Variants in PRDM4 observed in about 807,000 individuals in gnomAD.
PRDM4 encodes the protein PR domain zinc finger protein 4.
In PRDM4, 38 loss-of-function variants were observed where a neutral mutation model predicts 62.3. That is an observed-to-expected ratio of 0.61 (90% CI 0.47 to 0.80). The LOEUF is 0.80. Among genes scored for constraint, PRDM4 ranks in the 30% least tolerant of loss-of-function variants. The pLI, the probability that PRDM4 is intolerant of heterozygous loss-of-function variation, is 0.00. For synonymous variants in PRDM4, 339 were observed against 348.2 expected, an observed-to-expected ratio of 0.97 and a Z score of 0.30; for missense variants, 858 against 997.1, an observed-to-expected ratio of 0.86 and a Z score of 1.88.
chr12:107,760,640 G>T lies in PRDM4; in HGVS notation c.-125C>A. ...AACCGCTGCACCGACGCGGCCACTC[G>T]TCCCCGGGGTCGCCCGGGGCCGCCC... On this transcript the variant is annotated 5_prime_UTR_variant, in exon 2 of 12. Coordinates refer to ENST00000228437, the MANE Select transcript of PRDM4 (RefSeq NM_012406.4). The T allele has an allele frequency of 1.6e-6, 2 of 1,262,436 alleles. No individual in the cohort carries two copies. The highest frequency in any genetic ancestry group is 2.2e-6 in the Non-Finnish European group (2 of 919,700). 78.2% of individuals were successfully genotyped at this position (1,262,436 alleles called of 1,614,324 possible).
chr12:107,743,326 C>T (rs771426886), intron 7 of PRDM4, 44 bp from the exon 8 acceptor site: 69 of 1,338,174 alleles, frequency 5.2e-5, no homozygotes, highest in Non-Finnish European at 7.0e-5. Flanking sequence ...CACTGACATG[C>T]AATAAAGCAC....
In PRDM4 at chr12:107,745,036, G is replaced by A. The variant is rs557612748; in HGVS notation, c.1277-375C>T. On this transcript the variant is annotated intron_variant, in intron 6 of 11. Coordinates refer to ENST00000228437, the MANE Select transcript of PRDM4 (RefSeq NM_012406.4). Reference sequence around the variant, plus strand: ...GATAGGGCCAATGCACTCCAGCCTGGGTGACAAAGCGAGACTCTGTCTCAA... The same window carrying A: ...GATAGGGCCAATGCACTCCAGCCTGAGTGACAAAGCGAGACTCTGTCTCAA... Among the ~76,000 whole-genome samples, 12 of 152,114 alleles carry A rather than the reference G, an allele frequency of 7.9e-5. No homozygotes were observed. In the South Asian group the frequency reaches 1.7e-3, roughly 21 times the overall value.
chr12:107,738,838 TTAAGA>T (rs753134188), intron 11 of PRDM4, among the ~76,000 whole-genome samples: 15 of 144,310 alleles, frequency 1.0e-4, no homozygotes, highest in South Asian at 6.6e-4. Context: ...TTACAAACAG[TTAAGA>T]TAACAATTTT....
chr12:107,748,945 A>G (rs765909718), intron 5 of PRDM4, among the ~76,000 whole-genome samples: 20 of 152,304 alleles, frequency 1.3e-4, no homozygotes, highest in Admixed American at 3.3e-4. Flanking sequence ...TATATTCATT[A>G]CATTCTTCGA....
chr12:107,736,370 C>T (rs1334375583), intron 11 of PRDM4, among the ~76,000 whole-genome samples: 1 of 152,154 alleles, frequency 6.6e-6, no homozygotes, highest in African/African-American at 2.4e-5. Context: ...AACATTTGAG[C>T]AGAAACCTGA....
chr12:107,745,168 T>C (rs1476237510), intron 6 of PRDM4, among the ~76,000 whole-genome samples: 1 of 152,120 alleles, frequency 6.6e-6, no homozygotes, highest in Non-Finnish European at 1.5e-5. Context: ...ACAGATAACA[T>C]AGGGCTCACA....
chr12:107,742,489 G>A lies in PRDM4; in HGVS notation c.1482-141C>T, dbSNP rs1287763430. ...CTCTGGAATGTTTTTGTAATTTCCC[G>A]TCCTATCTATGAGAAGGCAGTTGTA... is the stretch of plus-strand genomic sequence containing the variant. On this transcript the variant is annotated intron_variant, in intron 8 of 11. Transcript: ENST00000228437. 9.4e-5 allele frequency: 92 copies of A among 977,876 alleles called. 3 individuals carry two copies. Among genetic ancestry groups the A allele is most frequent in the South Asian group, 7.6e-4 (50 of 65,600 alleles). 60.6% of individuals were successfully genotyped at this position (977,876 alleles called of 1,614,324 possible). A position where few individuals can be genotyped will look rare whatever the true frequency, so the allele number is the denominator to read the frequency against.
intron 6 of PRDM4, 56 bp downstream of exon 6, chr12:107,746,219 C>G: frequency 6.3e-7 from 1 of 1,587,662 alleles, no homozygotes. Context: ...TTTTACAACT[C>G]TACGCTACAA....
In PRDM4 at chr12:107,744,666, C is replaced by T. The variant is rs754683925; in HGVS notation, c.1277-5G>A. 5.6e-6 allele frequency: 9 copies of T among 1,613,082 alleles called. No homozygotes were observed. Among genetic ancestry groups the T allele is most frequent in the Non-Finnish European group, 6.8e-6 (8 of 1,179,284 alleles). Reference sequence around the variant, plus strand: ...TGGTTTCTCCAGTCCATACACCTGTCAGTGGAAGGACACCAACTACACAAT... The same window carrying T: ...TGGTTTCTCCAGTCCATACACCTGTTAGTGGAAGGACACCAACTACACAAT... On this transcript the variant is annotated splice_polypyrimidine_tract_variant and splice_region_variant and intron_variant, in intron 6 of 11. Coordinates refer to ENST00000228437, the MANE Select transcript of PRDM4 (RefSeq NM_012406.4).
chr12:107,733,361 T>C lies in PRDM4; in HGVS notation c.*849A>G, dbSNP rs761261113. On this transcript the variant is annotated 3_prime_UTR_variant, in exon 12 of 12. Transcript: ENST00000228437. ...TCCCTTCCTCAGGTGAGTCCACATG[T>C]ACTCATCAGGAGACAATCCAGCAGG... is the stretch of plus-strand genomic sequence containing the variant. The C allele has an allele frequency of 2.7e-5, 4 of 148,034 alleles. No individual in the cohort carries two copies. Among genetic ancestry groups the C allele is most frequent in the Non-Finnish European group, 6.1e-5 (4 of 65,686 alleles). 9.2% of individuals were successfully genotyped at this position (148,034 alleles called of 1,614,324 possible). A position where few individuals can be genotyped will look rare whatever the true frequency, so the allele number is the denominator to read the frequency against.
chr12:107,757,041 A>T, intron 2 of PRDM4, 76 bp from the exon 3 acceptor site: 1 of 1,485,660 alleles, frequency 6.7e-7, no homozygotes, highest in Non-Finnish European at 9.2e-7. Flanking sequence ...GAAGAAACTG[A>T]AACAGTGGGG....
chr12:107,744,549 G>A lies in PRDM4; in HGVS notation c.1389C>T (p.Ile463=). Reference sequence around the variant, plus strand: ...AAGTTTCATCAGGACTGACCTTCCAGATATGGTTAACTGCCTTGTCTGTCC... The same window carrying A: ...AAGTTTCATCAGGACTGACCTTCCAAATATGGTTAACTGCCTTGTCTGTCC... ...AEWTDKAVNH[I]WKIYHNGVLE... is the part of the protein sequence containing the mutation. Residue 463 remains isoleucine, a synonymous_variant, in exon 7 of 12, where the codon ATC becomes ATT. Transcript: ENST00000228437. The A allele has an allele frequency of 6.2e-7, 1 of 1,613,170 alleles. No individual in the cohort carries two copies. Among genetic ancestry groups the A allele is most frequent in the Non-Finnish European group, 8.5e-7 (1 of 1,179,274 alleles).
In PRDM4 at chr12:107,742,246, A is replaced by G; in HGVS notation, c.1584T>C (p.Tyr528=). Residue 528 remains tyrosine, a synonymous_variant, in exon 9 of 12, where the codon TAT becomes TAC. Transcript: ENST00000228437. ...IPPENELLFY[Y]SRDYAQQIGV... ...CAATCTGTTGAGCATAATCTCGGCT[A>G]TAATAAAAAAGCAGTTCATTTTCAG... 1 of 1,613,396 alleles carries G rather than the reference A, an allele frequency of 6.2e-7. No individual in the cohort carries two copies. Among genetic ancestry groups the G allele is most frequent in the Admixed American group, 1.7e-5 (1 of 60,012 alleles).
At chr12:107,758,775 T>C (rs1434294887) in intron 2 of PRDM4, among the ~76,000 whole-genome samples, 2 of 152,176 alleles carry the variant, frequency 1.3e-5, no homozygotes, top group African/African-American at 4.8e-5. Context: ...ATGGATCCCA[T>C]AAAACTAAGC....
chr12:107,756,692 T>C, intron 3 of PRDM4, 140 bp downstream of exon 3: 1 of 995,688 alleles, frequency 1.0e-6, no homozygotes, highest in Non-Finnish European at 1.4e-6. Flanking sequence ...ACCTATCACA[T>C]GTTGAACCAC....
At chr12:107,758,664 T>C (rs1565835509) in intron 2 of PRDM4, among the ~76,000 whole-genome samples, 1 of 152,212 alleles carries the variant, frequency 6.6e-6, no homozygotes, top group Admixed American at 6.5e-5. Flanking sequence ...TTTTACACAG[T>C]TGCAATACAT....
At chr12:107,748,442 A>G (rs1890788116) in intron 5 of PRDM4, among the ~76,000 whole-genome samples, 1 of 152,236 alleles carries the variant, frequency 6.6e-6, no homozygotes, top group African/African-American at 2.4e-5. Flanking sequence ...ATGTCCATCA[A>G]CTGATAAATG....
In PRDM4 at chr12:107,754,009, C is replaced by T; in HGVS notation, c.246G>A (p.Met82Ile). The T allele has an allele frequency of 1.2e-6, 2 of 1,614,026 alleles. No individual in the cohort carries two copies. Among genetic ancestry groups the T allele is most frequent in the African/African-American group, 1.3e-5 (1 of 75,024 alleles). The change falls in exon 4 of 12, where the codon ATG becomes ATA. Residue 82 changes from methionine to isoleucine, a missense_variant. By Grantham distance (10) the Met-to-Ile change is conservative. This residue lies in a region of PRDM4 where 499 missense variants were observed against 546.7 expected (regional missense o/e 0.91). Coordinates refer to ENST00000228437, the MANE Select transcript of PRDM4 (RefSeq NM_012406.4). Reference sequence around the variant, plus strand: ...TGTAGTTTCTTTCAGGTAACCCACACATCACCCCTCGATCCCCAATACCCA... The same window carrying T: ...TGTAGTTTCTTTCAGGTAACCCACATATCACCCCTCGATCCCCAATACCCA... ...LPMGIGDRGV[M>I]CGLPERNYTL... is the part of the protein sequence containing the mutation.
chr12:107,747,477 T>C (rs1292285841), intron 5 of PRDM4, among the ~76,000 whole-genome samples: 29 of 152,210 alleles, frequency 1.9e-4, no homozygotes, highest in Non-Finnish European at 1.5e-5. Flanking sequence ...AGCCTGCTCT[T>C]TCAAAGGGCA....
Sources: allele counts gnomAD v4.1 joint callset (sites outside exome capture counted in the v4.1 genomes callset), GRCh38; gene constraint gnomAD v4.1.1; regional missense constraint gnomAD v4.1.1; transcripts MANE v1.5; gene names NCBI Gene and HGNC (gene_info 2026-07-23, HGNC 2026-07-21).